Variants in PLK4 observed in about 807,000 individuals in gnomAD.
The protein encoded by PLK4 is polo like kinase 4.
In PLK4, 51 loss-of-function variants were observed where a neutral mutation model predicts 103.0. That is an observed-to-expected ratio of 0.50 (90% CI 0.40 to 0.63). PLK4 has a LOEUF of 0.63. Ranked by LOEUF, PLK4 falls within the 20% of genes least tolerant of loss-of-function variation. The pLI, the probability that PLK4 is intolerant of heterozygous loss-of-function variation, is 0.00. For synonymous variants in PLK4, 389 were observed against 376.8 expected, an observed-to-expected ratio of 1.03 and a Z score of -0.38; for missense variants, 1,054 against 1,151.0, an observed-to-expected ratio of 0.92 and a Z score of 1.22.
intron 7 of PLK4, among the ~76,000 whole-genome samples, chr4:127,890,756 CTGT>C (rs757500052): frequency 2.0e-5 from 3 of 151,772 alleles, no homozygotes; most frequent in South Asian, 2.1e-4. Flanking sequence ...TATCTTTATC[CTGT>C]TGTTTGTTCC....
At chr4:127,885,132 C>T (rs576477377) in intron 4 of PLK4, among the ~76,000 whole-genome samples, 118 of 152,010 alleles carry the variant, frequency 7.8e-4, no homozygotes, top group African/African-American at 2.2e-3. Context: ...GCATGTAAAA[C>T]GCTCATCAGT....
intron 15 of PLK4, among the ~76,000 whole-genome samples, chr4:127,897,824 C>CTTTTGTTTTTTTTTT (rs1735626971): frequency 1.0e-4 from 3 of 28,802 alleles, no homozygotes; most frequent in Non-Finnish European, 1.9e-4. Context: ...AGAATTAGGG[C>CTTTTGTTTTTTTTTT]TTTTTTTTTT....
chr4:127,885,832 T>C lies in PLK4; in HGVS notation c.462T>C (p.Asp154=), dbSNP rs1286148976. ...GTAATATGAACATCAAGATTGCTGA[T>C]TTTGGGCTGGCAACTCAACTGAAAA... ...LTRNMNIKIA[D]FGLATQLKMP... is the part of the protein sequence containing the mutation. The change falls in exon 5 of 16, where the codon GAT becomes GAC. Residue 154 remains aspartate, a synonymous_variant. Transcript: ENST00000270861. 6.2e-7 allele frequency: 1 copy of C among 1,614,044 alleles called. No homozygotes were observed.
intron 4 of PLK4, among the ~76,000 whole-genome samples, chr4:127,884,782 CA>C (rs1233857052): frequency 6.6e-6 from 1 of 151,678 alleles, no homozygotes; most frequent in South Asian, 2.1e-4. Flanking sequence ...ACTAAAAATA[CA>C]AAAAAAATTA....
intron 11 of PLK4, 33 bp downstream of exon 11, chr4:127,893,451 TTAA>T (rs1261134712): frequency 3.7e-6 from 6 of 1,601,646 alleles, no homozygotes; most frequent in Non-Finnish European, 5.1e-6. Flanking sequence ...TTCATACCAA[TTAA>T]TAATGATTGC....
intron 15 of PLK4, among the ~76,000 whole-genome samples, chr4:127,898,034 C>T (rs1441370771): frequency 6.6e-6 from 1 of 151,564 alleles, no homozygotes; most frequent in Non-Finnish European, 1.5e-5. Context: ...GACAGGGTTT[C>T]AACATATTGG....
At chr4:127,891,248 C>T (rs374090318) in intron 8 of PLK4, 52 bp downstream of exon 8, 58 of 889,632 alleles carry the variant, frequency 6.5e-5, no homozygotes, top group Middle Eastern at 2.6e-4. Context: ...CGTTTAAGCA[C>T]GTTTAGCATT....
chr4:127,883,498 T>G lies in PLK4; in HGVS notation c.282T>G (p.Asn94Lys), dbSNP rs1407113341. The change falls in exon 4 of 16, where the codon AAT (asparagine) becomes AAG (lysine). Residue 94 changes from asparagine to lysine, a missense_variant. Around this residue, in one of 4 missense-constraint regions of PLK4, gnomAD observed 199 missense variants for 270.1 expected, o/e 0.74. Coordinates refer to ENST00000270861, the MANE Select transcript of PLK4 (RefSeq NM_014264.5). ...ATCTGGTATTAGAAATGTGCCATAA[T>G]GGAGAAATGAACAGGTATCTAAAGA... Reference protein sequence around the residue: ...YVYLVLEMCHNGEMNRYLKNR... With the variant: ...YVYLVLEMCHKGEMNRYLKNR... The G allele has an allele frequency of 4.5e-6, 7 of 1,555,592 alleles. No individual in the cohort carries two copies. The South Asian group carries it at 7.8e-5, about 17-fold the overall frequency.
At chr4:127,892,286 T>A (rs1735389403) in intron 9 of PLK4, 79 bp from the exon 10 acceptor site, 2 of 928,496 alleles carry the variant, frequency 2.2e-6, no homozygotes, top group Admixed American at 2.8e-5. Flanking sequence ...GTAACCCTAT[T>A]AGAAATCACA....
rs1038156980 is a variant in PLK4 at position 127,881,020 on chromosome 4, G to A, written c.-115G>A. 3 of 1,202,604 alleles carry A rather than the reference G, an allele frequency of 2.5e-6. No individual in the cohort carries two copies. The African/African-American group carries it at 4.5e-5, about 18-fold the overall frequency. The allele number at this position is 1,202,604 out of a possible 1,614,324, so 74.5% of individuals were successfully genotyped here. On this transcript the variant is annotated 5_prime_UTR_variant, in exon 1 of 16. Transcript: ENST00000270861. ...TTTCAGCGTCGTCGCCTGGAGCGGC[G>A]GTTTAGAGAGCCGAGCCTGATGGGC...
At position 127,893,900 on chromosome 4, in the gene PLK4, C is replaced by T. The variant is rs374964451; in HGVS notation, c.2562+19C>T. ...TCCCTCTGTAAGTAAATATATGTCA[C>T]TTCTGTACTTTAAACCTTTCAATGA... On this transcript the variant is annotated intron_variant, in intron 13 of 15. Coordinates refer to ENST00000270861, the MANE Select transcript of PLK4 (RefSeq NM_014264.5). 101 of 1,260,368 alleles carry T rather than the reference C, an allele frequency of 8.0e-5. 1 individual carries two copies. The East Asian group carries it at 1.1e-3, about 13-fold the overall frequency. 78.1% of individuals were successfully genotyped at this position (1,260,368 alleles called of 1,614,324 possible). A position where few individuals can be genotyped will look rare whatever the true frequency, so the allele number is the denominator to read the frequency against.
At chr4:127,881,228 C>A in intron 1 of PLK4, 64 bp downstream of exon 1, 3 of 1,611,028 alleles carry the variant, frequency 1.9e-6, no homozygotes, top group Non-Finnish European at 2.5e-6. Context: ...CACGAGACCG[C>A]TGTGGGAAGG....
chr4:127,893,454 A>G (rs766579457), intron 11 of PLK4, 36 bp downstream of exon 11: 8 of 1,601,652 alleles, frequency 5.0e-6, no homozygotes, highest in Non-Finnish European at 6.8e-6. Flanking sequence ...ATACCAATTA[A>G]TAATGATTGC....
chr4:127,888,177 C>CAAAAAAAAAAAAAAAAAAAAAAAAAA (rs58491426), intron 6 of PLK4, among the ~76,000 whole-genome samples: 1 of 33,238 alleles, frequency 3.0e-5, no homozygotes, highest in African/African-American at 9.9e-5. Context: ...TAGACTGTCT[C>CAAAAAAAAAAAAAAAAAAAAAAAAAA]AAAAAAAAAA....
chr4:127,890,513 A>G (rs908407666), intron 7 of PLK4, among the ~76,000 whole-genome samples: 3 of 152,188 alleles, frequency 2.0e-5, no homozygotes, highest in African/African-American at 7.2e-5. Context: ...AATACTGGCT[A>G]TATGCTGGTT....
At chr4:127,897,722 A>T (rs1202042765) in intron 15 of PLK4, among the ~76,000 whole-genome samples, 1 of 150,126 alleles carries the variant, frequency 6.7e-6, no homozygotes, top group Non-Finnish European at 1.5e-5. Context: ...CCCAGGATAC[A>T]TGTTGACATT....
intron 12 of PLK4, 63 bp from the exon 13 acceptor site, chr4:127,893,671 C>A: frequency 6.3e-7 from 1 of 1,584,824 alleles, no homozygotes; most frequent in Non-Finnish European, 8.6e-7. Flanking sequence ...ATATTATAAA[C>A]ATTCTTTAGT....
At chr4:127,885,661 T>G in intron 4 of PLK4, 47 bp from the exon 5 acceptor site, 1 of 1,430,402 alleles carries the variant, frequency 7.0e-7, no homozygotes, top group Non-Finnish European at 9.6e-7. Context: ...ATACTGAATC[T>G]TCCAGAGTTT....
chr4:127,891,528 T>G (rs766936643), intron 8 of PLK4, 51 bp from the exon 9 acceptor site: 5 of 705,676 alleles, frequency 7.1e-6, no homozygotes, highest in Non-Finnish European at 1.2e-5. Flanking sequence ...CAAGATATAG[T>G]ACTGGAACTT....
Sources: gnomAD v4.1 joint callset for allele counts (sites outside exome capture counted in the v4.1 genomes callset) on GRCh38, gnomAD v4.1.1 for gene constraint, gnomAD v4.1.1 regional missense constraint, MANE v1.5 for transcripts, NCBI Gene and HGNC (gene_info 2026-07-23, HGNC 2026-07-21) for gene names.